Variants in PRKN observed in about 807,000 individuals in gnomAD.
The protein encoded by PRKN is E3 ubiquitin-protein ligase parkin.
Under a neutral mutation model 59.5 loss-of-function variants are expected in PRKN, and 56 were observed. That is an observed-to-expected ratio of 0.94 (90% CI 0.76 to 1.18). PRKN has a LOEUF of 1.18. Ranked by LOEUF, PRKN falls within the 50% of genes most tolerant of loss-of-function variation. The probability of loss-of-function intolerance (pLI) is 0.00; values close to 1 mark genes in which losing one functional copy is unlikely to be tolerated. For missense variants in PRKN, 657 were observed against 596.4 expected (o/e 1.10, Z -1.06); for synonymous variants, 250 against 222.1 (o/e 1.13, Z -1.12).
intron 5 of PRKN, among the ~76,000 whole-genome samples, chr6:161,985,192 C>T (rs1041842838): frequency 1.3e-5 from 2 of 152,078 alleles, no homozygotes; most frequent in Non-Finnish European, 2.9e-5. Context: ...TAGCCTAGCC[C>T]GACAATAAAA....
At chr6:162,463,564 C>T (rs1281358492) in intron 1 of PRKN, among the ~76,000 whole-genome samples, 2 of 152,064 alleles carry the variant, frequency 1.3e-5, no homozygotes, top group Non-Finnish European at 2.9e-5. Context: ...CTCCTTTTAA[C>T]ACATCCTGCT....
intron 6 of PRKN, among the ~76,000 whole-genome samples, chr6:161,903,628 T>C (rs1240371107): frequency 6.6e-6 from 1 of 152,086 alleles, no homozygotes; most frequent in Non-Finnish European, 1.5e-5. Context: ...TGAGCTCATA[T>C]TTTATTCCTA....
chr6:161,599,009 T>C (rs1185579347), intron 7 of PRKN, among the ~76,000 whole-genome samples: 1 of 152,076 alleles, frequency 6.6e-6, no homozygotes, highest in African/African-American at 2.4e-5. Context: ...GACAAAGCCA[T>C]GTGATAACAG....
Position 162,556,364 on chromosome 6 carries a change from T to TGTGTGTGC in PRKN, c.8-112892_8-112891insGCACACAC, listed in dbSNP as rs1554243416. 2.5e-3 allele frequency among the ~76,000 whole-genome samples: 226 copies of TGTGTGTGC among 91,244 alleles called. 3 individuals are homozygous for TGTGTGTGC. In the East Asian group the frequency reaches 0.037, roughly 15 times the overall value. 59.9% of individuals were successfully genotyped at this position (91,244 alleles called of 152,430 possible). On this transcript the variant is annotated intron_variant, in intron 1 of 11. Transcript: ENST00000366898. ...GCTGGTGTGTGTGTGTGTGTGTGTG[T>TGTGTGTGC]GTGTGTGTGTGTGTGTGTGTGTGTG...
At chr6:162,651,318 C>T (rs963042830) in intron 1 of PRKN, among the ~76,000 whole-genome samples, 45 of 152,156 alleles carry the variant, frequency 3.0e-4, no homozygotes, top group African/African-American at 1.1e-3. Flanking sequence ...TTTGCATGAT[C>T]ACACATACAC....
At chr6:162,649,531 T>C (rs1191424048) in intron 1 of PRKN, among the ~76,000 whole-genome samples, 1 of 152,122 alleles carries the variant, frequency 6.6e-6, no homozygotes, top group Non-Finnish European at 1.5e-5. Flanking sequence ...CAAAGGTGTA[T>C]GTCATTAATC....
intron 10 of PRKN, among the ~76,000 whole-genome samples, chr6:161,375,024 C>T (rs894588107): frequency 1.3e-5 from 2 of 152,060 alleles, no homozygotes; most frequent in African/African-American, 4.8e-5. Flanking sequence ...GCACTGTGGC[C>T]GTGCAGAGGA....
chr6:161,616,827 G>A (rs1782716344), intron 7 of PRKN, among the ~76,000 whole-genome samples: 1 of 152,106 alleles, frequency 6.6e-6, no homozygotes, highest in Non-Finnish European at 1.5e-5. Context: ...CATTTGGGTT[G>A]GTTCCAAGTC....
chr6:162,029,065 G>C (rs147033345), intron 5 of PRKN, among the ~76,000 whole-genome samples: 199 of 152,194 alleles, frequency 1.3e-3, no homozygotes, highest in African/African-American at 4.3e-3. Flanking sequence ...CTGTATTTGT[G>C]CCCAAATACA....
At chr6:162,311,611 T>C (rs1236215490) in intron 2 of PRKN, among the ~76,000 whole-genome samples, 1 of 150,406 alleles carries the variant, frequency 6.6e-6, no homozygotes, top group East Asian at 2.0e-4. Context: ...GCCTCCCAAA[T>C]AGCTGGGACT....
intron 4 of PRKN, among the ~76,000 whole-genome samples, chr6:162,168,808 G>A (rs185466019): frequency 2.0e-5 from 3 of 152,128 alleles, no homozygotes; most frequent in South Asian, 2.1e-4. Context: ...AATCTATGAC[G>A]CAGGGAAAAT....
rs183527060 is a variant in PRKN at position 161,414,430 on chromosome 6, G to A, written c.1084-27553C>T. ...GAGACAGTCCTTGGCCTCCAGCCAC[G>A]GCTTCCGTGCCATGTCCCAAATGCA... On this transcript the variant is annotated intron_variant, in intron 9 of 11. Transcript: ENST00000366898. The surrounding 1 kb of genome is among the most constrained non-coding windows in gnomAD (Gnocchi z 5.3). 4.6e-5 allele frequency among the ~76,000 whole-genome samples: 7 copies of A among 152,198 alleles called. No individual in the cohort carries two copies. The highest frequency in any genetic ancestry group is 1.5e-5 in the Non-Finnish European group (1 of 68,040).
At chr6:162,227,503 C>T (rs575952359) in intron 3 of PRKN, among the ~76,000 whole-genome samples, 1 of 152,082 alleles carries the variant, frequency 6.6e-6, no homozygotes, top group Non-Finnish European at 1.5e-5. Context: ...TCTCAATGAT[C>T]AATAAATCTG....
At chr6:161,542,136 C>T (rs1018091494) in intron 9 of PRKN, among the ~76,000 whole-genome samples, 2 of 152,182 alleles carry the variant, frequency 1.3e-5, no homozygotes, top group African/African-American at 4.8e-5. Context: ...TACATTTTCT[C>T]TTCCTTATGA....
chr6:161,988,423 G>A (rs1781515673), intron 5 of PRKN, among the ~76,000 whole-genome samples: 1 of 151,316 alleles, frequency 6.6e-6, no homozygotes. Context: ...AGGAGGCAGG[G>A]GTTGCATGAG....
intron 1 of PRKN, among the ~76,000 whole-genome samples, chr6:162,522,608 G>C (rs1421215599): frequency 6.6e-6 from 1 of 152,124 alleles, no homozygotes; most frequent in African/African-American, 2.4e-5. Flanking sequence ...GTAGGCTGCT[G>C]GTCAGCACAA....
chr6:161,843,458 C>A (rs904346523), intron 6 of PRKN, among the ~76,000 whole-genome samples: 3 of 152,138 alleles, frequency 2.0e-5, no homozygotes, highest in Non-Finnish European at 4.4e-5. Flanking sequence ...GAATAAAATT[C>A]TTCTGCTTAT....
intron 2 of PRKN, among the ~76,000 whole-genome samples, chr6:162,333,086 C>G (rs1783662199): frequency 6.6e-6 from 1 of 151,966 alleles, no homozygotes; most frequent in Non-Finnish European, 1.5e-5. Flanking sequence ...AATATTTTGC[C>G]CTGTTACTAT....
intron 4 of PRKN, among the ~76,000 whole-genome samples, chr6:162,086,574 C>T (rs1212031716): frequency 6.6e-6 from 1 of 152,136 alleles, no homozygotes; most frequent in Admixed American, 6.5e-5. Flanking sequence ...AAACCCACAG[C>T]CAGCCCAAAT....
Sources: gnomAD v4.1 joint callset for allele counts (sites outside exome capture counted in the v4.1 genomes callset) on GRCh38, gnomAD v4.1.1 for gene constraint, Gnocchi (gnomAD v3.1) non-coding constraint, MANE v1.5 for transcripts, NCBI Gene and HGNC (gene_info 2026-07-23, HGNC 2026-07-21) for gene names.